MAF: variants seen among roughly 807,000 people sequenced by gnomAD.
The protein encoded by MAF is transcription factor Maf.
A neutral mutation model predicts 22.0 loss-of-function variants in MAF; 10 were observed. That is an observed-to-expected ratio of 0.45 (90% CI 0.28 to 0.77). The LOEUF is 0.77. MAF is among the 30% of genes least tolerant of loss of function. MAF has a pLI of 0.12. For synonymous variants in MAF, 337 were observed against 255.8 expected (o/e 1.32, Z -3.03); for missense variants, 544 against 548.4 (o/e 0.99, Z 0.08).
chr16:79,540,831 G>C, the MAF span, among the ~76,000 whole-genome samples: 1 of 152,106 alleles, frequency 6.6e-6, no homozygotes, highest in African/African-American at 2.4e-5. Context: ...AAGTAAAGGA[G>C]TTGGTCTGTA....
chr16:79,396,406 A>C, the MAF span, among the ~76,000 whole-genome samples: 3 of 152,252 alleles, frequency 2.0e-5, no homozygotes, highest in African/African-American at 7.2e-5. Flanking sequence ...GGTTGTTCAA[A>C]GAAGTGGAAA....
the MAF span, among the ~76,000 whole-genome samples, chr16:79,461,472 A>G: frequency 6.6e-6 from 1 of 152,166 alleles, no homozygotes; most frequent in African/African-American, 2.4e-5. Context: ...CAGATGGGAA[A>G]GAAAGACCAT....
chr16:79,218,159 G>A, the MAF span, among the ~76,000 whole-genome samples: 2 of 152,028 alleles, frequency 1.3e-5, no homozygotes, highest in African/African-American at 2.4e-5. Flanking sequence ...AAACAGCTCT[G>A]AGTTGTATCT....
At chr16:79,213,295 T>TCGAA in the MAF span, among the ~76,000 whole-genome samples, 2 of 146,762 alleles carry the variant, frequency 1.4e-5, no homozygotes, top group Non-Finnish European at 3.0e-5. Flanking sequence ...TGCAGAGCAG[T>TCGAA]CGAACAAACA....
chr16:79,476,094 G>C, the MAF span, among the ~76,000 whole-genome samples: 5 of 152,200 alleles, frequency 3.3e-5, no homozygotes, highest in Non-Finnish European at 7.3e-5. Flanking sequence ...CGAACTCTGA[G>C]ACTCAAAGCA....
chr16:79,364,374 T>G, the MAF span, among the ~76,000 whole-genome samples: 1 of 152,146 alleles, frequency 6.6e-6, no homozygotes, highest in Admixed American at 6.5e-5. Flanking sequence ...AGTTAGTTTT[T>G]GGACACAACT....
the MAF span, among the ~76,000 whole-genome samples, chr16:79,532,685 A>G: frequency 3.1e-4 from 47 of 152,338 alleles, no homozygotes; most frequent in African/African-American, 1.0e-3. Context: ...TGCGTCATAA[A>G]GCATTCGTGT....
chr16:79,521,535 G>T, the MAF span, among the ~76,000 whole-genome samples: 5 of 152,324 alleles, frequency 3.3e-5, no homozygotes. Flanking sequence ...AAGGCTTGCA[G>T]CCAGCAGTTT....
chr16:79,519,571 G>C, the MAF span, among the ~76,000 whole-genome samples: 2 of 152,172 alleles, frequency 1.3e-5, no homozygotes, highest in African/African-American at 4.8e-5. Context: ...ACAAAACCCA[G>C]TTCCTTATCG....
At chr16:79,347,771 A>G in the MAF span, among the ~76,000 whole-genome samples, 4 of 152,244 alleles carry the variant, frequency 2.6e-5, no homozygotes, top group Non-Finnish European at 2.9e-5. Context: ...GGGATCTCCT[A>G]ACTCCTGTCT....
the MAF span, among the ~76,000 whole-genome samples, chr16:79,552,590 G>C: frequency 2.0e-5 from 3 of 152,218 alleles, no homozygotes; most frequent in East Asian, 5.8e-4. Flanking sequence ...CACTTCTTTT[G>C]TAACACTTTT....
At chr16:79,445,689 G>A in the MAF span, among the ~76,000 whole-genome samples, 1 of 152,186 alleles carries the variant, frequency 6.6e-6, no homozygotes, top group East Asian at 1.9e-4. Context: ...ACGCTTTGTC[G>A]ACTGATTGAC....
At chr16:79,565,137 A>C in the MAF span, among the ~76,000 whole-genome samples, 3 of 152,144 alleles carry the variant, frequency 2.0e-5, no homozygotes, top group Non-Finnish European at 4.4e-5. Flanking sequence ...ATTCAGAGCC[A>C]AATTTTCTGC....
downstream of MAF, among the ~76,000 whole-genome samples, chr16:79,582,631 G>A (rs1340018555): frequency 6.6e-6 from 1 of 152,146 alleles, no homozygotes; most frequent in African/African-American, 2.4e-5. Flanking sequence ...AGTTAGGGAG[G>A]AGTATAATCC....
chr16:79,407,870 T>C, the MAF span, among the ~76,000 whole-genome samples: 1 of 151,990 alleles, frequency 6.6e-6, no homozygotes, highest in South Asian at 2.1e-4. Context: ...GCACTTTTAA[T>C]TTGCATCCTT....
At chr16:79,386,959 G>C in the MAF span, among the ~76,000 whole-genome samples, 2 of 152,196 alleles carry the variant, frequency 1.3e-5, no homozygotes. Context: ...TAGCTTTAGA[G>C]TTGGTTATAC....
At position 79,599,415 on chromosome 16, in the gene MAF, A is replaced by ACGG. The variant is rs1384479072; in HGVS notation, c.485_487dup (p.Ala162dup). The ACGG allele has an allele frequency of 8.6e-7, 1 of 1,162,376 alleles. No homozygotes were observed. The highest frequency in any genetic ancestry group is 1.6e-5 in the African/African-American group (1 of 61,056). The allele number at this position is 1,162,376 out of a possible 1,614,324, so 72.0% of individuals were successfully genotyped here. A position where few individuals can be genotyped will look rare whatever the true frequency, so the allele number is the denominator to read the frequency against. On this transcript the variant is annotated inframe_insertion, in exon 1 of 2. Coordinates refer to ENST00000326043, the MANE Select transcript of MAF (RefSeq NM_005360.5). Reference sequence around the variant, plus strand: ...GGCCGCGGCGATCACGGCGGACACCACGGCGGCGGCGGGGCCCATCTCCTC... The same window carrying ACGG: ...GGCCGCGGCGATCACGGCGGACACCACGGCGGCGGCGGCGGGGCCCATCTCCTC...
rs199989028 is a variant in MAF at position 79,600,382 on chromosome 16, C to CT, written c.-481dup. The CT allele has an allele frequency of 0.037, 7,237 of 197,766 alleles. 178 individuals carry two copies. Among genetic ancestry groups the CT allele is most frequent in the Middle Eastern group, 0.077 (38 of 492 alleles). The allele number at this position is 197,766 out of a possible 1,614,324, so 12.3% of individuals were successfully genotyped here. ...GGGCGCGCGCGGCGTCCGCTCGGGG[C>CT]TGGAGGCGCGGCGGGCGTCTGTCCG... On this transcript the variant is annotated 5_prime_UTR_variant, in exon 1 of 2. Coordinates refer to ENST00000326043, the MANE Select transcript of MAF (RefSeq NM_005360.5).
At chr16:79,480,031 C>A in the MAF span, among the ~76,000 whole-genome samples, 1 of 152,144 alleles carries the variant, frequency 6.6e-6, no homozygotes. Context: ...TTCATAGACA[C>A]CCATTCTACT....
Sources: gnomAD v4.1 joint callset for allele counts (sites outside exome capture counted in the v4.1 genomes callset) on GRCh38, gnomAD v4.1.1 for gene constraint, MANE v1.5 for transcripts, NCBI Gene and HGNC (gene_info 2026-07-23, HGNC 2026-07-21) for gene names.